RIC1: variants seen among roughly 807,000 people sequenced by gnomAD.
RIC1 encodes the protein guanine nucleotide exchange factor subunit RIC1.
Under a neutral mutation model 169.0 loss-of-function variants are expected in RIC1, and 88 were observed. That is an observed-to-expected ratio of 0.52 (90% CI 0.44 to 0.62). RIC1 has a LOEUF of 0.62. Ranked by LOEUF, RIC1 falls within the 20% of genes least tolerant of loss-of-function variation. The probability of loss-of-function intolerance (pLI) is 0.00; values close to 1 mark genes in which losing one functional copy is unlikely to be tolerated. For synonymous variants in RIC1, 790 were observed against 601.5 expected (o/e 1.31, Z -4.59); for missense variants, 1,877 against 1,725.5 (o/e 1.09, Z -1.56).
chr9:5,674,723 C>G (rs1820340604), intron 2 of RIC1, among the ~76,000 whole-genome samples: 1 of 152,228 alleles, frequency 6.6e-6, no homozygotes, highest in South Asian at 2.1e-4. Flanking sequence ...GCTCTTTTCT[C>G]TTGGAACTTG....
intron 2 of RIC1, among the ~76,000 whole-genome samples, chr9:5,688,219 G>A (rs2130697588): frequency 6.6e-6 from 1 of 152,226 alleles, no homozygotes; most frequent in East Asian, 1.9e-4. Context: ...TCTCATGTTT[G>A]TCTTACTCTT....
chr9:5,687,210 C>T (rs907336682), intron 2 of RIC1, among the ~76,000 whole-genome samples: 1 of 152,062 alleles, frequency 6.6e-6, no homozygotes, highest in African/African-American at 2.4e-5. Flanking sequence ...GTTAGTGGCT[C>T]TTTTTTGCCT....
chr9:5,733,907 A>G (rs115138648), intron 7 of RIC1, among the ~76,000 whole-genome samples: 2 of 151,280 alleles, frequency 1.3e-5, no homozygotes, highest in East Asian at 3.9e-4. Flanking sequence ...TGTCTTCTCT[A>G]TTCATCTTTG....
chr9:5,634,459 A>G (rs867147616), intron 1 of RIC1, among the ~76,000 whole-genome samples: 3 of 152,252 alleles, frequency 2.0e-5, no homozygotes, highest in African/African-American at 7.2e-5. Context: ...TTTGATTTGC[A>G]TCTCCCTGAT....
rs571347231 is a variant in RIC1, at chr9:5,746,078, T to C, written c.1243T>C (p.Cys415Arg). ...TAAGAGTGTACTCACTGTAAACCCT[T>C]GTATGGTAAGTATATTTAAAGCTCT... ...FIKSVLTVNP[C>R]MSNQEQVLLQ... is the part of the protein sequence containing the mutation. The change falls in exon 11 of 26, where the codon TGT becomes CGT. Residue 415 changes from cysteine to arginine, a missense_variant. This residue lies in a region of RIC1 where 1,104 missense variants were observed against 992.0 expected (regional missense o/e 1.11). Coordinates refer to ENST00000414202, the MANE Select transcript of RIC1 (RefSeq NM_020829.4). 14 of 1,608,998 alleles carry C rather than the reference T, an allele frequency of 8.7e-6. No homozygotes were observed. The East Asian group carries it at 2.9e-4, about 33-fold the overall frequency.
At chr9:5,713,785 A>C (rs1164027404) in intron 3 of RIC1, 111 bp from the exon 4 acceptor site, 4 of 606,824 alleles carry the variant, frequency 6.6e-6, no homozygotes, top group Non-Finnish European at 1.2e-5. Context: ...TGAAGGATGA[A>C]TACCTGATTT....
chr9:5,772,111 T>C (rs2131151280), intron 23 of RIC1, among the ~76,000 whole-genome samples: 1 of 152,370 alleles, frequency 6.6e-6, no homozygotes, highest in East Asian at 1.9e-4. Flanking sequence ...GATTGTGTTC[T>C]TAATTCTCTT....
chr9:5,675,510 A>G (rs944524385), intron 2 of RIC1, among the ~76,000 whole-genome samples: 3 of 152,184 alleles, frequency 2.0e-5, no homozygotes, highest in Admixed American at 6.5e-5. Context: ...ATATTAAATT[A>G]TTTTGTTACT....
intron 3 of RIC1, among the ~76,000 whole-genome samples, chr9:5,706,392 C>A (rs145240452): frequency 6.6e-6 from 1 of 151,928 alleles, no homozygotes; most frequent in African/African-American, 2.4e-5. Context: ...TCGGAGGTTG[C>A]GGTGAGCTGA....
At chr9:5,771,349 A>G (rs975700552) in intron 23 of RIC1, among the ~76,000 whole-genome samples, 1 of 152,182 alleles carries the variant, frequency 6.6e-6, no homozygotes, top group Non-Finnish European at 1.5e-5. Context: ...TTCACTTAGC[A>G]TAATGTCCTC....
At chr9:5,773,226 T>A (rs1827351876) in intron 25 of RIC1, 146 bp downstream of exon 25, 1 of 284,632 alleles carries the variant, frequency 3.5e-6, no homozygotes. Flanking sequence ...TTTAAGCTAC[T>A]TTCTTTAGTA....
chr9:5,758,922 T>A (rs914642298), intron 17 of RIC1, among the ~76,000 whole-genome samples: 4 of 152,074 alleles, frequency 2.6e-5, no homozygotes, highest in South Asian at 2.1e-4. Context: ...TTTTTGTATA[T>A]TTAGTAGAGA....
intron 23 of RIC1, 64 bp downstream of exon 23, chr9:5,770,342 T>TTCAGAGA (rs1827123232): frequency 7.7e-7 from 1 of 1,305,188 alleles, no homozygotes; most frequent in Non-Finnish European, 1.1e-6. Flanking sequence ...GCTATAGCAC[T>TTCAGAGA]TCAGAGATAG....
intron 2 of RIC1, among the ~76,000 whole-genome samples, chr9:5,669,508 A>G (rs1021176664): frequency 6.6e-6 from 1 of 152,096 alleles, no homozygotes; most frequent in African/African-American, 2.4e-5. Context: ...GTATATATAT[A>G]CCACATTTTC....
chr9:5,735,301 C>T (rs1460065646), intron 7 of RIC1, among the ~76,000 whole-genome samples: 2 of 152,216 alleles, frequency 1.3e-5, no homozygotes, highest in South Asian at 2.1e-4. Flanking sequence ...AGAAAGCCCA[C>T]ACATCAGGCA....
At chr9:5,652,344 A>T (rs914242914) in intron 1 of RIC1, among the ~76,000 whole-genome samples, 1 of 152,242 alleles carries the variant, frequency 6.6e-6, no homozygotes, top group Non-Finnish European at 1.5e-5. Flanking sequence ...ATCTATAAAC[A>T]TGGGATATCT....
In RIC1 at chr9:5,765,743, A is replaced by G; in HGVS notation, c.3082A>G (p.Ser1028Gly). 6.2e-7 allele frequency: 1 copy of G among 1,614,222 alleles called. No homozygotes were observed. Residue 1028 changes from serine (S) to glycine (G), a missense_variant, in exon 21 of 26, where the codon AGT becomes GGT. This residue lies in a region of RIC1 where 681 missense variants were observed against 582.0 expected (regional missense o/e 1.17). Transcript: ENST00000414202. ...CCAGTCAGCTGAAAATGTTCCTGCCAGTAAATTCAGTTTACAGAAAACACT... is the reference window on the plus strand; with the variant it reads ...CCAGTCAGCTGAAAATGTTCCTGCCGGTAAATTCAGTTTACAGAAAACACT... ...LSQSAENVPA[S>G]KFSLQKTLSM... is the part of the protein sequence containing the mutation.
chr9:5,672,220 C>T (rs1586918342), intron 2 of RIC1, among the ~76,000 whole-genome samples: 1 of 152,200 alleles, frequency 6.6e-6, no homozygotes, highest in South Asian at 2.1e-4. Context: ...CTAACCTCTA[C>T]AGGTGGCTAA....
chr9:5,746,354 T>G (rs917566588), intron 11 of RIC1, among the ~76,000 whole-genome samples: 2 of 152,190 alleles, frequency 1.3e-5, no homozygotes, highest in African/African-American at 2.4e-5. Context: ...TTGAGTAATT[T>G]AGTCTTTATC....
Sources: allele counts gnomAD v4.1 joint callset (sites outside exome capture counted in the v4.1 genomes callset), GRCh38; gene constraint gnomAD v4.1.1; regional missense constraint gnomAD v4.1.1; transcripts MANE v1.5; gene names NCBI Gene and HGNC (gene_info 2026-07-23, HGNC 2026-07-21).